SEMA6C: variants seen among roughly 807,000 people sequenced by gnomAD.
SEMA6C encodes the protein semaphorin 6C.
SEMA6C carries 37 observed loss-of-function variants against 72.9 expected under a neutral mutation model. The observed-to-expected ratio is 0.51, with a 90% CI of 0.39 to 0.67. The LOEUF is 0.67. Among genes scored for constraint, SEMA6C ranks in the 30% least tolerant of loss-of-function variants. The pLI, the probability that SEMA6C is intolerant of heterozygous loss-of-function variation, is 0.00. For missense variants in SEMA6C, 1,189 were observed against 1,263.6 expected, an observed-to-expected ratio of 0.94 and a Z score of 0.89; for synonymous variants, 578 against 554.1, an observed-to-expected ratio of 1.04 and a Z score of -0.61.
At chr1:151,142,160 C>T (rs767034072) in intron 3 of SEMA6C, among the ~76,000 whole-genome samples, 12 of 152,040 alleles carry the variant, frequency 7.9e-5, no homozygotes, top group Non-Finnish European at 1.3e-4. Context: ...CCTCAGCCTC[C>T]CGAGTAGCTG....
Position 151,133,989 on chromosome 1 carries a change from TG to T in SEMA6C, c.1759+411del. On this transcript the variant is annotated intron_variant, in intron 18 of 18. Coordinates refer to ENST00000368914, the MANE Select transcript of SEMA6C (RefSeq NM_030913.6). This position sits in a 1 kb window ranked among gnomAD's most constrained non-coding sequence, Gnocchi z 5.9. ...AGTGTGAACTCCAAGAGTGGAAGACTGGGGCCGGGGGTGGGCATCACTGGGA... is the reference window on the plus strand; with the variant it reads ...AGTGTGAACTCCAAGAGTGGAAGACTGGGCCGGGGGTGGGCATCACTGGGA... The T allele has an allele frequency of 4.2e-6, 4 of 956,378 alleles. No homozygotes were observed. Among genetic ancestry groups the T allele is most frequent in the Non-Finnish European group, 6.1e-6 (4 of 657,906 alleles). The allele number at this position is 956,378 out of a possible 1,614,324, so 59.2% of individuals were successfully genotyped here.
At position 151,132,409 on chromosome 1, in the gene SEMA6C, C is replaced by T; in HGVS notation, c.*75G>A. 1 of 1,519,478 alleles carries T rather than the reference C, an allele frequency of 6.6e-7. No homozygotes were observed. The highest frequency in any genetic ancestry group is 8.8e-7 in the Non-Finnish European group (1 of 1,130,246). The allele number at this position is 1,519,478 out of a possible 1,614,324, so 94.1% of individuals were successfully genotyped here. ...GGTGCGGGGCGAGGGGGCGGTGAAA[C>T]GTCCTGAAGAGCGTCCAGCTCGTGG... On this transcript the variant is annotated 3_prime_UTR_variant, in exon 19 of 19. Coordinates refer to ENST00000368914, the MANE Select transcript of SEMA6C (RefSeq NM_030913.6).
chr1:151,138,759 G>A (rs1300665209), intron 6 of SEMA6C, 28 bp from the exon 7 acceptor site: 13 of 1,546,972 alleles, frequency 8.4e-6, no homozygotes, highest in Non-Finnish European at 1.2e-5. Flanking sequence ...CTAGGTCAGT[G>A]ACAGAGGGTC....
intron 3 of SEMA6C, among the ~76,000 whole-genome samples, chr1:151,140,680 A>C (rs1018617226): frequency 6.6e-6 from 1 of 152,218 alleles, no homozygotes; most frequent in African/African-American, 2.4e-5. Flanking sequence ...GCCAGAGTTC[A>C]GGGATAAATG....
chr1:151,132,142 A>G lies in SEMA6C; in HGVS notation c.*342T>C, dbSNP rs371299122. The G allele has an allele frequency of 4.8e-5, 62 of 1,286,510 alleles. 1 individual carries two copies. Among genetic ancestry groups the G allele is most frequent in the East Asian group, 3.7e-4 (9 of 24,176 alleles). The allele number at this position is 1,286,510 out of a possible 1,614,324, so 79.7% of individuals were successfully genotyped here. On this transcript the variant is annotated 3_prime_UTR_variant, in exon 19 of 19. Transcript: ENST00000368914. ...CCCAGAAGGCCCGAGGACTCTGGAC[A>G]CAGCGCGCGCGGCCCGCCCGGGGCA...
At position 151,140,028 on chromosome 1, in the gene SEMA6C, G is replaced by A. The variant is rs763454503; in HGVS notation, c.181C>T (p.Leu61=). The change falls in exon 4 of 19, where the codon CTG becomes TTG. Residue 61 remains leucine, a synonymous_variant. Coordinates refer to ENST00000368914, the MANE Select transcript of SEMA6C (RefSeq NM_030913.6). ...AAGGTCAGGAATCTCTGAAAGTCCA[G>A]CCCAAGTTCTGCAGCCACAGCATCA... is the stretch of plus-strand genomic sequence containing the variant. ...EDDAVAAELG[L]DFQRFLTLNR... 1.6e-5 allele frequency: 26 copies of A among 1,614,056 alleles called. No homozygotes were observed. The highest frequency in any genetic ancestry group is 4.2e-6 in the Non-Finnish European group (5 of 1,180,050).
intron 2 of SEMA6C, among the ~76,000 whole-genome samples, chr1:151,144,015 G>A (rs587704650): frequency 2.0e-4 from 30 of 152,076 alleles, no homozygotes; most frequent in African/African-American, 7.0e-4. Context: ...ACGTCAGGTG[G>A]GGCCTCAAGA....
In SEMA6C at chr1:151,137,754, A is replaced by T. The variant is rs1449327716; in HGVS notation, c.713T>A (p.Phe238Tyr). The T allele has an allele frequency of 1.9e-6, 3 of 1,613,712 alleles. No individual in the cohort carries two copies. Among genetic ancestry groups the T allele is most frequent in the Non-Finnish European group, 2.5e-6 (3 of 1,179,806 alleles). ...QALEHGDHVY[F>Y]FFREVSVEDA... is the part of the protein sequence containing the mutation. Reference sequence around the variant, plus strand: ...CTCCACAGAGACCTCGCGGAAGAAGAAGTAGACATGGTCTCCATGCTCCAA... The same window carrying T: ...CTCCACAGAGACCTCGCGGAAGAAGTAGTAGACATGGTCTCCATGCTCCAA... The change falls in exon 10 of 19, where the codon TTC becomes TAC. Residue 238 changes from phenylalanine (F) to tyrosine (Y), a missense_variant. By Grantham distance (22) the Phe-to-Tyr change is conservative (BLOSUM62 3). Around this residue, in one of 2 missense-constraint regions of SEMA6C, gnomAD observed 468 missense variants for 577.4 expected, o/e 0.81. Transcript: ENST00000368914.
In SEMA6C at chr1:151,132,447, G is replaced by A; in HGVS notation, c.*37C>T. On this transcript the variant is annotated 3_prime_UTR_variant, in exon 19 of 19. Coordinates refer to ENST00000368914, the MANE Select transcript of SEMA6C (RefSeq NM_030913.6). Reference sequence around the variant, plus strand: ...GTCCAGCTCGTGGCCGAGAGGACTCGGGCGCTCCCCACGCTGGAGGCCGTG... The same window carrying A: ...GTCCAGCTCGTGGCCGAGAGGACTCAGGCGCTCCCCACGCTGGAGGCCGTG... 1 of 1,535,332 alleles carries A rather than the reference G, an allele frequency of 6.5e-7. No individual in the cohort carries two copies. Among genetic ancestry groups the A allele is most frequent in the Non-Finnish European group, 8.8e-7 (1 of 1,138,442 alleles).
In SEMA6C at chr1:151,133,986, G is replaced by GC. The variant is rs1681800694; in HGVS notation, c.1759+414_1759+415insG. On this transcript the variant is annotated intron_variant, in intron 18 of 18. Coordinates refer to ENST00000368914, the MANE Select transcript of SEMA6C (RefSeq NM_030913.6). The surrounding 1 kb of genome is among the most constrained non-coding windows in gnomAD (Gnocchi z 5.9). ...CCGAGTGTGAACTCCAAGAGTGGAA[G>GC]ACTGGGGCCGGGGGTGGGCATCACT... is the stretch of plus-strand genomic sequence containing the variant. 1 of 1,287,006 alleles carries GC rather than the reference G, an allele frequency of 7.8e-7. No individual in the cohort carries two copies. Among genetic ancestry groups the GC allele is most frequent in the Non-Finnish European group, 1.1e-6 (1 of 919,190 alleles). The allele number at this position is 1,287,006 out of a possible 1,614,324, so 79.7% of individuals were successfully genotyped here.
At chr1:151,138,830 C>T (rs1400066168) in intron 6 of SEMA6C, 99 bp from the exon 7 acceptor site, 46 of 941,416 alleles carry the variant, frequency 4.9e-5, no homozygotes, top group African/African-American at 2.6e-4. Flanking sequence ...TGGTGGCTCA[C>T]GCCTGTAATC....
rs1681991276 is a variant in SEMA6C at position 151,136,011 on chromosome 1, C to G, written c.1259G>C (p.Arg420Thr). ...THQPLLTLTS[R>T]ALLTQVAVDG... Reference sequence around the variant, plus strand: ...TGGTCAGTGTTTTTCAGCCCCATACCTGCTAGTGAGAGTGAGTAGAGGCTG... The same window carrying G: ...TGGTCAGTGTTTTTCAGCCCCATACGTGCTAGTGAGAGTGAGTAGAGGCTG... Residue 420 changes from arginine to threonine, a missense_variant and splice_region_variant, in exon 13 of 19, where the codon AGG becomes ACG. Transcript: ENST00000368914. 6.2e-7 allele frequency: 1 copy of G among 1,614,102 alleles called. No homozygotes were observed. Among genetic ancestry groups the G allele is most frequent in the Non-Finnish European group, 8.5e-7 (1 of 1,180,012 alleles).
rs1426886490 is a variant in SEMA6C, at chr1:151,135,767, G to A, written c.1260-3C>T. 1 of 1,613,584 alleles carries A rather than the reference G, an allele frequency of 6.2e-7. No individual in the cohort carries two copies. The highest frequency in any genetic ancestry group is 1.7e-5 in the Admixed American group (1 of 59,940). On this transcript the variant is annotated splice_region_variant and splice_polypyrimidine_tract_variant and intron_variant, in intron 13 of 18. Transcript: ENST00000368914. The stretch of plus-strand genomic sequence containing the variant: ...CAGCTACTTGGGTCAGTAGGGCCCT[G>A]GAGGAAAGGGCCTCAGGTCAGGGAA...
rs983729608 is a variant in SEMA6C, at chr1:151,133,604, C to T, written c.1760-87G>A. 1 of 1,434,490 alleles carries T rather than the reference C, an allele frequency of 7.0e-7. No homozygotes were observed. The highest frequency in any genetic ancestry group is 9.1e-7 in the Non-Finnish European group (1 of 1,099,070). The allele number at this position is 1,434,490 out of a possible 1,614,324, so 88.9% of individuals were successfully genotyped here. ...CCAGAGGCGCCGGCAGTTCCCAGGC[C>T]TGACATCATCGTCCCTCCCGCTGCT... On this transcript the variant is annotated intron_variant, in intron 18 of 18. Transcript: ENST00000368914. This position sits in a 1 kb window ranked among gnomAD's most constrained non-coding sequence, Gnocchi z 5.9.
At position 151,133,059 on chromosome 1, in the gene SEMA6C, C is replaced by A; in HGVS notation, c.2218G>T (p.Ala740Ser). Residue 740 changes from alanine to serine, a missense_variant, in exon 19 of 19, where the codon GCG becomes TCG. Around this residue, in one of 2 missense-constraint regions of SEMA6C, gnomAD observed 721 missense variants for 686.2 expected, o/e 1.05. Coordinates refer to ENST00000368914, the MANE Select transcript of SEMA6C (RefSeq NM_030913.6). The surrounding 1 kb of genome is among the most constrained non-coding windows in gnomAD (Gnocchi z 5.9). ...EGPGRSRGGH[A>S]AGGPAPRVLV... is the part of the protein sequence containing the mutation. ...ACGCGGGGCGCGGGCCCGCCCGCCG[C>A]GTGCCCGCCCCGTGAGCGGCCCGGA... 6.9e-7 allele frequency: 1 copy of A among 1,442,968 alleles called. No homozygotes were observed. The allele number at this position is 1,442,968 out of a possible 1,614,324, so 89.4% of individuals were successfully genotyped here. A position where few individuals can be genotyped will look rare whatever the true frequency, so the allele number is the denominator to read the frequency against.
chr1:151,135,698 G>A lies in SEMA6C; in HGVS notation c.1326C>T (p.Phe442=), dbSNP rs1447343319. The A allele has an allele frequency of 4.3e-6, 7 of 1,614,216 alleles. No homozygotes were observed. The highest frequency in any genetic ancestry group is 5.9e-6 in the Non-Finnish European group (7 of 1,180,028). ...GCACTGTCCCATCATTGGAGCCAAGGAACATGACTGTGATGTTACTGTGGG... is the reference window on the plus strand; with the variant it reads ...GCACTGTCCCATCATTGGAGCCAAGAAACATGACTGTGATGTTACTGTGGG... ...AGPHSNITVM[F]LGSNDGTVLK... Residue 442 remains phenylalanine, a synonymous_variant, in exon 14 of 19, where the codon TTC becomes TTT. Coordinates refer to ENST00000368914, the MANE Select transcript of SEMA6C (RefSeq NM_030913.6).
chr1:151,137,717 C>T lies in SEMA6C; in HGVS notation c.750G>A (p.Leu250=), dbSNP rs940758448. Residue 250 remains leucine (L), a synonymous_variant, in exon 10 of 19, where the codon CTG becomes CTA. Coordinates refer to ENST00000368914, the MANE Select transcript of SEMA6C (RefSeq NM_030913.6). ...FREVSVEDAR[L]GRVQFSRVAR... Reference sequence around the variant, plus strand: ...CTGATGCCCACCTCCTTACCCTCCCCAGCCGAGCATCCTCCACAGAGACCT... The same window carrying T: ...CTGATGCCCACCTCCTTACCCTCCCTAGCCGAGCATCCTCCACAGAGACCT... The T allele has an allele frequency of 2.5e-6, 4 of 1,612,220 alleles. No individual in the cohort carries two copies. Among genetic ancestry groups the T allele is most frequent in the Non-Finnish European group, 2.5e-6 (3 of 1,178,656 alleles).
chr1:151,139,358 C>A (rs1682332661), intron 6 of SEMA6C, 67 bp downstream of exon 6: 2 of 1,335,702 alleles, frequency 1.5e-6, no homozygotes, highest in Non-Finnish European at 2.2e-6. Context: ...AGTAGAGGAC[C>A]AGTTGGACAG....
chr1:151,132,581 C>G lies in SEMA6C; in HGVS notation c.2696G>C (p.Arg899Thr), dbSNP rs1465427637. ...CAACTGGGGCTTCTCGACGTCCACC[C>G]TTTTCAGGGCGCGGCCCCGGTAGCC... ...PEGYRGRALK[R>T]VDVEKPQLSL... Residue 899 changes from arginine (R) to threonine (T), a missense_variant, in exon 19 of 19, where the codon AGG becomes ACG. Arg to Thr is a moderately conservative substitution (Grantham distance 71). This residue lies in a region of SEMA6C where 721 missense variants were observed against 686.2 expected (regional missense o/e 1.05). Coordinates refer to ENST00000368914, the MANE Select transcript of SEMA6C (RefSeq NM_030913.6). The G allele has an allele frequency of 1.3e-6, 2 of 1,551,530 alleles. No homozygotes were observed. Among genetic ancestry groups the G allele is most frequent in the Non-Finnish European group, 1.7e-6 (2 of 1,147,330 alleles).
Sources: gnomAD v4.1 joint callset for allele counts (sites outside exome capture counted in the v4.1 genomes callset) on GRCh38, gnomAD v4.1.1 for gene constraint, gnomAD v4.1.1 regional missense constraint, Gnocchi (gnomAD v3.1) non-coding constraint, MANE v1.5 for transcripts, NCBI Gene and HGNC (gene_info 2026-07-23, HGNC 2026-07-21) for gene names.